C11orf65: variants seen among roughly 807,000 people sequenced by gnomAD.
The protein encoded by C11orf65 is protein MFI.
A neutral mutation model predicts 35.3 loss-of-function variants in C11orf65; 38 were observed. The ratio of observed to expected loss-of-function variants is 1.08; its 90% confidence interval spans 0.83 to 1.41. C11orf65 has a LOEUF of 1.41. Among genes scored for constraint, C11orf65 ranks in the 40% most tolerant of loss-of-function variants. The probability of loss-of-function intolerance (pLI) is 0.00; values close to 1 mark genes in which losing one functional copy is unlikely to be tolerated. For synonymous variants in C11orf65, 105 were observed against 114.4 expected, an observed-to-expected ratio of 0.92 and a Z score of 0.53; for missense variants, 370 against 367.1, an observed-to-expected ratio of 1.01 and a Z score of -0.06.
intron 2 of C11orf65, among the ~76,000 whole-genome samples, chr11:108,439,960 TTTATG>T (rs2093124203): frequency 6.6e-6 from 1 of 152,160 alleles, no homozygotes; most frequent in South Asian, 2.1e-4. Context: ...ACTGGTAAAT[TTTATG>T]TTATGAACAT....
At chr11:108,323,024 CTGCTATTT>C (rs1300735138) in intron 6 of C11orf65, among the ~76,000 whole-genome samples, 5 of 151,978 alleles carry the variant, frequency 3.3e-5, no homozygotes, top group African/African-American at 7.3e-5. Flanking sequence ...CCTTTTAGCC[CTGCTATTT>C]TGAATTACTA....
intron 2 of C11orf65, among the ~76,000 whole-genome samples, chr11:108,376,391 A>T (rs1305213974): frequency 6.6e-6 from 1 of 152,238 alleles, no homozygotes; most frequent in Non-Finnish European, 1.5e-5. Context: ...ACAGTACATA[A>T]CGAAATGAAG....
intron 3 of C11orf65, among the ~76,000 whole-genome samples, chr11:108,408,716 A>T (rs1419192892): frequency 3.7e-5 from 5 of 134,928 alleles, no homozygotes; most frequent in African/African-American, 1.5e-4. Context: ...AATAAAATAA[A>T]ATAAAATAAA....
intron 3 of C11orf65, among the ~76,000 whole-genome samples, chr11:108,416,358 T>C (rs1170438264): frequency 1.3e-5 from 2 of 152,078 alleles, no homozygotes; most frequent in East Asian, 3.9e-4. Flanking sequence ...ATGGTCAACG[T>C]TGTATGTCAT....
chr11:108,344,269 G>T (rs1023668825), intron 2 of C11orf65, among the ~76,000 whole-genome samples: 15 of 152,160 alleles, frequency 9.9e-5, no homozygotes, highest in African/African-American at 3.6e-4. Flanking sequence ...GACAGAAGTA[G>T]ATCCAAGAAA....
At chr11:108,402,308 T>C (rs2092453290) in intron 6 of C11orf65, among the ~76,000 whole-genome samples, 1 of 152,158 alleles carries the variant, frequency 6.6e-6, no homozygotes, top group African/African-American at 2.4e-5. Flanking sequence ...AGTTCAAGAT[T>C]CTTAGCCTTG....
intron 2 of C11orf65, among the ~76,000 whole-genome samples, chr11:108,357,377 C>T (rs1309622368): frequency 2.6e-5 from 4 of 152,172 alleles, no homozygotes; most frequent in South Asian, 2.1e-4. Flanking sequence ...GAGGGGCGCC[C>T]GCCATTGCCC....
chr11:108,373,341 T>C (rs898618916), intron 2 of C11orf65, among the ~76,000 whole-genome samples: 2 of 152,188 alleles, frequency 1.3e-5, no homozygotes, highest in African/African-American at 4.8e-5. Flanking sequence ...AAAAGACATC[T>C]GACAAAGGAC....
At chr11:108,331,625 GTA>G in intron 3 of C11orf65, 3 of 1,432,038 alleles carry the variant, frequency 2.1e-6, no homozygotes, top group Non-Finnish European at 2.8e-6. Flanking sequence ...ATTATATAAA[GTA>G]TATATACCAT....
intron 2 of C11orf65, chr11:108,355,082 T>C: frequency 1.7e-6 from 1 of 578,118 alleles, no homozygotes; most frequent in Non-Finnish European, 3.1e-6. Context: ...TTGAGTTTCT[T>C]GGAATGTTAG....
intron 2 of C11orf65, among the ~76,000 whole-genome samples, chr11:108,436,122 AAAAG>A (rs963490504): frequency 1.3e-5 from 2 of 152,014 alleles, no homozygotes; most frequent in Non-Finnish European, 2.9e-5. Context: ...AAAAAAAAAA[AAAAG>A]AAAGAAAATA....
At chr11:108,360,602 T>G (rs190072882) in intron 2 of C11orf65, among the ~76,000 whole-genome samples, 1 of 149,386 alleles carries the variant, frequency 6.7e-6, no homozygotes, top group Admixed American at 6.7e-5. Flanking sequence ...TCCACCATGA[T>G]CCAGTGGGCT....
chr11:108,380,453 G>A (rs562053391), downstream of C11orf65, among the ~76,000 whole-genome samples: 7 of 152,310 alleles, frequency 4.6e-5, no homozygotes, highest in African/African-American at 1.4e-4. Context: ...CTTATAAGGT[G>A]TGGATCTTCA....
rs573901084 is a variant in C11orf65 at position 108,450,082 on chromosome 11, G to A, written c.81+11397C>T. 8.2e-4 allele frequency among the ~76,000 whole-genome samples: 125 copies of A among 152,104 alleles called. 2 individuals are homozygous for A. The highest frequency in any genetic ancestry group is 1.4e-3 in the Non-Finnish European group (97 of 68,028). Reference sequence around the variant, plus strand: ...GAAATGCAAATCAAAACCACAATGAGATACCATCTCATACCAGTTAGAATG... The same window carrying A: ...GAAATGCAAATCAAAACCACAATGAAATACCATCTCATACCAGTTAGAATG... On this transcript the variant is annotated intron_variant, in intron 2 of 8. Coordinates refer to ENST00000393084, the MANE Select transcript of C11orf65 (RefSeq NM_152587.5).
At position 108,453,492 on chromosome 11, in the gene C11orf65, T is replaced by C. The variant is rs189565740; in HGVS notation, c.81+7987A>G. ...ATGCAAAATTAAATCCAACTGTATT[T>C]TGTTTACAAGAGACACAATTTAAAT... On this transcript the variant is annotated intron_variant, in intron 2 of 8. Transcript: ENST00000393084. Among the ~76,000 whole-genome samples, 156 of 152,274 alleles carry C rather than the reference T, an allele frequency of 1.0e-3. 1 individual carries two copies. The highest frequency in any genetic ancestry group is 3.6e-3 in the African/African-American group (151 of 41,560).
At position 108,420,768 on chromosome 11, in the gene C11orf65, TTTTAA is replaced by T. The variant is rs144293826; in HGVS notation, c.174+10973_174+10977del. On this transcript the variant is annotated intron_variant, in intron 3 of 8. Transcript: ENST00000393084. ...AATCTCGATCAACATTCCAACAGACTTTTAATTTAATTTTTTATTTTTATTTTGTA... is the reference window on the plus strand; with the variant it reads ...AATCTCGATCAACATTCCAACAGACTTTTAATTTTTTATTTTTATTTTGTA... 2.1e-3 allele frequency among the ~76,000 whole-genome samples: 315 copies of T among 152,192 alleles called. 1 individual carries two copies. Among genetic ancestry groups the T allele is most frequent in the African/African-American group, 7.1e-3 (294 of 41,548 alleles).
At chr11:108,363,408 C>T (rs920204618) in intron 2 of C11orf65, among the ~76,000 whole-genome samples, 2 of 152,198 alleles carry the variant, frequency 1.3e-5, no homozygotes, top group Non-Finnish European at 2.9e-5. Context: ...GGACCATTCT[C>T]TCCTCTAAGA....
chr11:108,381,838 G>C (rs1468431259), downstream of C11orf65, among the ~76,000 whole-genome samples: 2 of 152,206 alleles, frequency 1.3e-5, no homozygotes, highest in Non-Finnish European at 2.9e-5. Context: ...ATAAGTATAG[G>C]CTGGACTTGA....
intron 2 of C11orf65, among the ~76,000 whole-genome samples, chr11:108,371,603 T>C (rs1173206491): frequency 5.9e-5 from 9 of 152,226 alleles, no homozygotes; most frequent in Admixed American, 5.9e-4. Context: ...CCATTGTGTA[T>C]GTGTATATAC....
Sources: allele counts gnomAD v4.1 joint callset (sites outside exome capture counted in the v4.1 genomes callset), GRCh38; gene constraint gnomAD v4.1.1; transcripts MANE v1.5; gene names NCBI Gene and HGNC (gene_info 2026-07-23, HGNC 2026-07-21).